Variants in AP3B2 observed in about 807,000 individuals in gnomAD.
AP3B2 encodes the protein AP-3 complex subunit beta-2.
In AP3B2, 50 loss-of-function variants were observed where a neutral mutation model predicts 126.9. The ratio of observed to expected loss-of-function variants is 0.39; its 90% CI spans 0.31 to 0.50. The LOEUF (loss-of-function observed/expected upper bound fraction) is 0.50, where lower values mean the gene tolerates loss of function less well. Among genes scored for constraint, AP3B2 ranks in the 20% least tolerant of loss-of-function variants. The pLI is 0.79. For synonymous variants in AP3B2, 541 were observed against 565.0 expected, an observed-to-expected ratio of 0.96 and a Z score of 0.60; for missense variants, 1,177 against 1,426.4, an observed-to-expected ratio of 0.83 and a Z score of 2.82.
At chr15:82,677,146 T>G in intron 13 of AP3B2, 128 bp downstream of exon 13, 1 of 796,410 alleles carries the variant, frequency 1.3e-6, no homozygotes, top group Non-Finnish European at 2.1e-6. Context: ...CCAGTGTCTC[T>G]GCTCCTTCCA....
At chr15:82,704,199 G>A (rs886856336) in intron 1 of AP3B2, among the ~76,000 whole-genome samples, 20 of 152,190 alleles carry the variant, frequency 1.3e-4, no homozygotes, top group East Asian at 3.9e-4. Context: ...ACCCTGAGAC[G>A]CTTTACAGCC....
chr15:82,703,197 G>C (rs1050088537), intron 1 of AP3B2, among the ~76,000 whole-genome samples: 11 of 152,092 alleles, frequency 7.2e-5, no homozygotes, highest in African/African-American at 2.7e-4. Context: ...TGATCACCGC[G>C]AGGATGCCTG....
At position 82,680,334 on chromosome 15, in the gene AP3B2, C is replaced by A. The variant is rs2048314294; in HGVS notation, c.1056-105G>T. ...AGTCGTTGCGGGGAGAGGACCAGTG[C>A]GGAGGGCAGGACTACGGTCAGTGTG... On this transcript the variant is annotated intron_variant, in intron 8 of 26. Coordinates refer to ENST00000535359, the MANE Select transcript of AP3B2 (RefSeq NM_001278512.2). This position sits in a 1 kb window ranked among gnomAD's most constrained non-coding sequence, Gnocchi z 6.1. The A allele has an allele frequency of 1.9e-6, 3 of 1,549,586 alleles. No individual in the cohort carries two copies. The highest frequency in any genetic ancestry group is 4.6e-5 in the East Asian group (2 of 43,352).
At chr15:82,690,917 A>C (rs980834075) in intron 1 of AP3B2, among the ~76,000 whole-genome samples, 7 of 89,692 alleles carry the variant, frequency 7.8e-5, no homozygotes, top group Non-Finnish European at 2.7e-5. Flanking sequence ...TGGCCTCCCA[A>C]AGTGCTGGGA....
chr15:82,697,997 C>G (rs1223992012), intron 1 of AP3B2: 7 of 152,718 alleles, frequency 4.6e-5, no homozygotes, highest in African/African-American at 1.7e-4. Flanking sequence ...AATGACAGAG[C>G]TGGGCACCAG....
chr15:82,708,098 A>C (rs2048825414), intron 1 of AP3B2, among the ~76,000 whole-genome samples: 1 of 152,236 alleles, frequency 6.6e-6, no homozygotes, highest in African/African-American at 2.4e-5. Flanking sequence ...GATGGCCTGA[A>C]GTAACTGAAG....
At chr15:82,688,395 T>C (rs1204409159) in intron 4 of AP3B2, 1 of 701,942 alleles carries the variant, frequency 1.4e-6, no homozygotes. Flanking sequence ...TTCACACCTT[T>C]ACACAAAGGG....
In AP3B2 at chr15:82,680,485, G is replaced by A; in HGVS notation, c.1042C>T (p.Leu348=). 6.6e-7 allele frequency: 1 copy of A among 1,508,738 alleles called. No homozygotes were observed. The highest frequency in any genetic ancestry group is 2.5e-5 in the East Asian group (1 of 39,716). 93.5% of individuals were successfully genotyped at this position (1,508,738 alleles called of 1,614,324 possible). The change falls in exon 8 of 27, where the codon CTG becomes TTG. Residue 348 remains leucine (L), a synonymous_variant. Coordinates refer to ENST00000535359, the MANE Select transcript of AP3B2 (RefSeq NM_001278512.2). This position sits in a 1 kb window ranked among gnomAD's most constrained non-coding sequence, Gnocchi z 6.1. The part of the protein sequence containing the change: ...GVIAKALVRL[L]RSHSEVQYVV... Reference sequence around the variant, plus strand: ...GGCGGAGCGCACCTGTGGCTGCGCAGCAGGCGCACCAGCGCCTTGGCGATG... The same window carrying A: ...GGCGGAGCGCACCTGTGGCTGCGCAACAGGCGCACCAGCGCCTTGGCGATG...
rs1006212517 is a variant in AP3B2 at position 82,663,049 on chromosome 15, C to A, written c.2604+78G>T. 7 of 1,487,566 alleles carry A rather than the reference C, an allele frequency of 4.7e-6. No individual in the cohort carries two copies. In the African/African-American group the frequency reaches 8.3e-5, roughly 18 times the overall value. 92.1% of individuals were successfully genotyped at this position (1,487,566 alleles called of 1,614,324 possible). A position where few individuals can be genotyped will look rare whatever the true frequency, so the allele number is the denominator to read the frequency against. On this transcript the variant is annotated intron_variant, in intron 22 of 26. Transcript: ENST00000535359. Reference sequence around the variant, plus strand: ...CACATCCTCCATCACACCCACCCCCCACACACATCCACACCATAGGATGCA... The same window carrying A: ...CACATCCTCCATCACACCCACCCCCAACACACATCCACACCATAGGATGCA...
chr15:82,663,464 A>G, intron 21 of AP3B2, 96 bp downstream of exon 21: 1 of 1,401,330 alleles, frequency 7.1e-7, no homozygotes, highest in South Asian at 1.2e-5. Context: ...CTGCTCCCAC[A>G]AGACCTGAGG....
At position 82,664,950 on chromosome 15, in the gene AP3B2, A is replaced by G; in HGVS notation, c.2029-7T>C. Reference sequence around the variant, plus strand: ...ACTTGGTCCATTCAGGTACCTGGAGATGGGGGTAGGGTGCAGGGTCATTTC... The same window carrying G: ...ACTTGGTCCATTCAGGTACCTGGAGGTGGGGGTAGGGTGCAGGGTCATTTC... On this transcript the variant is annotated splice_polypyrimidine_tract_variant and splice_region_variant and intron_variant, in intron 17 of 26. Coordinates refer to ENST00000535359, the MANE Select transcript of AP3B2 (RefSeq NM_001278512.2). The surrounding 1 kb of genome is among the most constrained non-coding windows in gnomAD (Gnocchi z 4.5). 6.3e-7 allele frequency: 1 copy of G among 1,592,658 alleles called. No individual in the cohort carries two copies. The highest frequency in any genetic ancestry group is 1.3e-5 in the African/African-American group (1 of 74,622).
intron 15 of AP3B2, among the ~76,000 whole-genome samples, chr15:82,666,342 G>A (rs2151430698): frequency 6.6e-6 from 1 of 152,378 alleles, no homozygotes; most frequent in Admixed American, 6.5e-5. Context: ...CAGAATGCAG[G>A]CAACTGCTTT....
At chr15:82,696,695 G>A (rs919892377) in intron 1 of AP3B2, among the ~76,000 whole-genome samples, 7 of 152,200 alleles carry the variant, frequency 4.6e-5, no homozygotes, top group Admixed American at 1.3e-4. Context: ...ACACAGCCCT[G>A]AGCTGTTGCT....
At chr15:82,666,663 G>C in intron 15 of AP3B2, 84 bp downstream of exon 15, 2 of 1,440,650 alleles carry the variant, frequency 1.4e-6, no homozygotes, top group Non-Finnish European at 1.9e-6. Flanking sequence ...GCCTGGCTAG[G>C]GGCCTCAGGA....
intron 14 of AP3B2, among the ~76,000 whole-genome samples, chr15:82,675,419 A>C (rs1012319826): frequency 8.5e-5 from 13 of 152,172 alleles, no homozygotes; most frequent in Admixed American, 2.6e-4. Context: ...GCCACAATGG[A>C]TCAAAGAAGC....
At chr15:82,677,590 G>T (rs1410292648) in intron 12 of AP3B2, 81 bp downstream of exon 12, 3 of 1,458,506 alleles carry the variant, frequency 2.1e-6, no homozygotes, top group Middle Eastern at 2.2e-4. Context: ...CAGACTGGTG[G>T]ATATCCAGTG....
rs1054432528 is a variant in AP3B2, at chr15:82,680,657, G to T, written c.870C>A (p.Ala290=). Residue 290 remains alanine (A), a synonymous_variant, in exon 8 of 27, where the codon GCC becomes GCA. Coordinates refer to ENST00000535359, the MANE Select transcript of AP3B2 (RefSeq NM_001278512.2). This position sits in a 1 kb window ranked among gnomAD's most constrained non-coding sequence, Gnocchi z 6.1. ...CCATGACATAGGGCTTTCGGGAGGG[G>T]GCGGCCGCGGCGGCCGTCTCCTCAG... ...AGSEETAAAA[A]PSRKPYVMDP... is the part of the protein sequence containing the mutation. The T allele has an allele frequency of 1.7e-5, 27 of 1,580,166 alleles. No homozygotes were observed. The highest frequency in any genetic ancestry group is 2.1e-5 in the Non-Finnish European group (24 of 1,168,286).
Position 82,679,806 on chromosome 15 carries a change from A to G in AP3B2, c.1111-6T>C. 6.2e-7 allele frequency: 1 copy of G among 1,613,710 alleles called. No individual in the cohort carries two copies. Among genetic ancestry groups the G allele is most frequent in the African/African-American group, 1.3e-5 (1 of 75,010 alleles). On this transcript the variant is annotated splice_region_variant and splice_polypyrimidine_tract_variant and intron_variant, in intron 9 of 26. Coordinates refer to ENST00000535359, the MANE Select transcript of AP3B2 (RefSeq NM_001278512.2). ...AGGTAGGGCTCAAACATACCCTGGC[A>G]CAAGAGAGGCAGCTAGGGAGCTCCA...
chr15:82,672,694 C>T (rs1244112764), intron 14 of AP3B2, among the ~76,000 whole-genome samples: 1 of 152,050 alleles, frequency 6.6e-6, no homozygotes, highest in East Asian at 1.9e-4. Context: ...GCATTATATG[C>T]CTGTATCAAA....
Sources: allele counts gnomAD v4.1 joint callset (sites outside exome capture counted in the v4.1 genomes callset), GRCh38; gene constraint gnomAD v4.1.1; non-coding constraint Gnocchi (gnomAD v3.1); transcripts MANE v1.5; gene names NCBI Gene and HGNC (gene_info 2026-07-23, HGNC 2026-07-21).